DAB1: variants seen among roughly 807,000 people sequenced by gnomAD.
The protein encoded by DAB1 is DAB adaptor protein 1, also known as disabled homolog 1.
Under a neutral mutation model 64.6 loss-of-function variants are expected in DAB1, and 15 were observed. The ratio of observed to expected loss-of-function variants is 0.23; its 90% CI spans 0.16 to 0.36. The LOEUF (loss-of-function observed/expected upper bound fraction) is 0.36. DAB1 is among the 10% of genes least tolerant of loss of function. DAB1 has a pLI of 1.00. For synonymous variants in DAB1, 235 were observed against 251.9 expected (o/e 0.93, Z 0.64); for missense variants, 596 against 706.7 (o/e 0.84, Z 1.78).
At chr1:57,062,315 A>G (rs942377977) in intron 9 of DAB1, among the ~76,000 whole-genome samples, 1 of 152,148 alleles carries the variant, frequency 6.6e-6, no homozygotes, top group Non-Finnish European at 1.5e-5. Flanking sequence ...TATACCCCAA[A>G]GGCCCTGGCC....
At chr1:57,441,259 CTT>C (rs374993043) in intron 7 of DAB1, among the ~76,000 whole-genome samples, 7 of 144,508 alleles carry the variant, frequency 4.8e-5, no homozygotes, top group Non-Finnish European at 1.1e-4. Flanking sequence ...CTTTTCTTTT[CTT>C]TTCTTTCTTT....
intron 3 of DAB1, among the ~76,000 whole-genome samples, chr1:58,383,133 T>C (rs772934659): frequency 6.6e-6 from 1 of 152,270 alleles, no homozygotes; most frequent in South Asian, 2.1e-4. Context: ...GAAGTATTCA[T>C]GGACCTTTTC....
At chr1:57,897,459 T>C (rs1303267980) in intron 5 of DAB1, among the ~76,000 whole-genome samples, 1 of 152,160 alleles carries the variant, frequency 6.6e-6, no homozygotes, top group Non-Finnish European at 1.5e-5. Flanking sequence ...TTCACAAAAT[T>C]TTCAGTTTAG....
intron 8 of DAB1, among the ~76,000 whole-genome samples, chr1:57,065,390 C>T (rs1009173550): frequency 2.0e-5 from 3 of 152,146 alleles, no homozygotes; most frequent in Non-Finnish European, 2.9e-5. Context: ...TTTAACAGAG[C>T]TCCTTGTCTT....
chr1:57,791,797 C>G (rs1423436562), intron 6 of DAB1, among the ~76,000 whole-genome samples: 3 of 152,194 alleles, frequency 2.0e-5, no homozygotes, highest in Non-Finnish European at 4.4e-5. Flanking sequence ...AGATGTTATG[C>G]AATTTGGAAT....
intron 6 of DAB1, among the ~76,000 whole-genome samples, chr1:57,674,854 T>C (rs1646547871): frequency 6.6e-6 from 1 of 152,212 alleles, no homozygotes; most frequent in South Asian, 2.1e-4. Context: ...AGTTCATACT[T>C]GAAAATCACT....
chr1:57,367,606 G>A (rs183565060), intron 1 of DAB1, among the ~76,000 whole-genome samples: 2 of 152,308 alleles, frequency 1.3e-5, no homozygotes, highest in African/African-American at 4.8e-5. Flanking sequence ...AATGGCAGTG[G>A]CGACCTATCT....
intron 5 of DAB1, among the ~76,000 whole-genome samples, chr1:57,903,030 G>A (rs1644499300): frequency 6.6e-6 from 1 of 152,118 alleles, no homozygotes; most frequent in African/African-American, 2.4e-5. Context: ...CATGTTGGCA[G>A]GCAGGAGAGA....
chr1:58,471,080 C>T (rs543588046), intron 3 of DAB1, among the ~76,000 whole-genome samples: 3 of 152,230 alleles, frequency 2.0e-5, no homozygotes, highest in South Asian at 2.1e-4. Flanking sequence ...TAAGAGAATA[C>T]CCAATTAATG....
intron 5 of DAB1, among the ~76,000 whole-genome samples, chr1:58,111,043 G>A (rs1412405869): frequency 6.6e-6 from 1 of 152,222 alleles, no homozygotes; most frequent in South Asian, 2.1e-4. Flanking sequence ...GGAGGGTGGT[G>A]TGTGCAGCAG....
intron 6 of DAB1, among the ~76,000 whole-genome samples, chr1:57,660,517 G>T (rs1057485667): frequency 6.6e-6 from 1 of 152,174 alleles, no homozygotes; most frequent in African/African-American, 2.4e-5. Flanking sequence ...ATGGCAAAAG[G>T]AGTAGTGCAG....
intron 1 of DAB1, among the ~76,000 whole-genome samples, chr1:57,305,941 C>A (rs1294042270): frequency 2.0e-5 from 3 of 148,310 alleles, no homozygotes; most frequent in African/African-American, 7.6e-5. Flanking sequence ...TGCACTCCAG[C>A]CTGGGCGACA....
intron 2 of DAB1, among the ~76,000 whole-genome samples, chr1:57,287,859 C>T (rs1672451751): frequency 6.6e-6 from 1 of 150,960 alleles, no homozygotes; most frequent in African/African-American, 2.4e-5. Flanking sequence ...GCAATGAAGC[C>T]ATCTTGGCTC....
At chr1:57,379,948 A>G (rs1380351511) in intron 1 of DAB1, among the ~76,000 whole-genome samples, 1 of 152,250 alleles carries the variant, frequency 6.6e-6, no homozygotes, top group Non-Finnish European at 1.5e-5. Flanking sequence ...TGGTGATATT[A>G]GCTCATATGT....
At chr1:57,356,072 G>A (rs1489219159) in intron 1 of DAB1, among the ~76,000 whole-genome samples, 1 of 151,936 alleles carries the variant, frequency 6.6e-6, no homozygotes, top group African/African-American at 2.4e-5. Context: ...TGAAACATAA[G>A]CTCCATGAAA....
chr1:57,690,836 T>C (rs1646755180), intron 6 of DAB1, among the ~76,000 whole-genome samples: 1 of 152,176 alleles, frequency 6.6e-6, no homozygotes, highest in African/African-American at 2.4e-5. Flanking sequence ...ATAAAAAACA[T>C]TTTTAACAGG....
intron 1 of DAB1, among the ~76,000 whole-genome samples, chr1:57,861,523 T>C (rs1654033782): frequency 6.6e-6 from 1 of 152,066 alleles, no homozygotes; most frequent in Non-Finnish European, 1.5e-5. Context: ...AACATATGAA[T>C]TCTACAAGGA....
chr1:58,446,769 G>T (rs1159946006), intron 3 of DAB1, among the ~76,000 whole-genome samples: 1 of 152,132 alleles, frequency 6.6e-6, no homozygotes, highest in Non-Finnish European at 1.5e-5. Context: ...CATGTCAGTG[G>T]ATAAGAGAGA....
chr1:58,129,764 G>A lies in DAB1; in HGVS notation n.387+20747C>T, dbSNP rs1195813237. Reference sequence around the variant, plus strand: ...TTGTTCAGTTTCCATGTAGTTGAGCGGCTTTGAGTGAGATTCTTAATCCTG... The same window carrying A: ...TTGTTCAGTTTCCATGTAGTTGAGCAGCTTTGAGTGAGATTCTTAATCCTG... On this transcript the variant is annotated intron_variant and non_coding_transcript_variant, in intron 5 of 20. Coordinates refer to the DAB1 transcript ENST00000485760. 9.2e-5 allele frequency among the ~76,000 whole-genome samples: 14 copies of A among 151,542 alleles called. 1 individual carries two copies. The highest frequency in any genetic ancestry group is 5.8e-4 in the East Asian group (3 of 5,174).
Sources: allele counts gnomAD v4.1 joint callset (sites outside exome capture counted in the v4.1 genomes callset), GRCh38; gene constraint gnomAD v4.1.1; transcripts MANE v1.5; gene names NCBI Gene and HGNC (gene_info 2026-07-23, HGNC 2026-07-21).